The following GPC6 variants were observed in gnomAD, a reference collection of about 807,000 sequenced individuals.
GPC6 encodes the protein glypican 6.
In GPC6, 14 loss-of-function variants were observed where a neutral mutation model predicts 55.2. The observed-to-expected ratio is 0.25, with a 90% CI of 0.17 to 0.40. The LOEUF (loss-of-function observed/expected upper bound fraction) is 0.40, where lower values mean the gene tolerates loss of function less well. Ranked by LOEUF, GPC6 falls within the 10% of genes least tolerant of loss-of-function variation. GPC6 has a pLI of 1.00. For synonymous variants in GPC6, 278 were observed against 259.6 expected, an observed-to-expected ratio of 1.07 and a Z score of -0.68; for missense variants, 641 against 708.5, an observed-to-expected ratio of 0.90 and a Z score of 1.08.
intron 6 of GPC6, among the ~76,000 whole-genome samples, chr13:94,337,544 T>C (rs1877778227): frequency 6.6e-6 from 1 of 151,536 alleles, no homozygotes; most frequent in Admixed American, 6.6e-5. Flanking sequence ...ACCTCCTGGG[T>C]TCAAGCGATT....
chr13:93,647,824 CTCTG>C (rs1401570634), intron 2 of GPC6, among the ~76,000 whole-genome samples: 1 of 152,184 alleles, frequency 6.6e-6, no homozygotes, highest in African/African-American at 2.4e-5. Flanking sequence ...GCCTGGCTCT[CTCTG>C]TCTTTTTCTG....
chr13:94,196,560 A>C (rs145632731), intron 4 of GPC6, among the ~76,000 whole-genome samples: 1 of 152,308 alleles, frequency 6.6e-6, no homozygotes. Context: ...TGTGTCTTGC[A>C]TTACATCCAC....
At chr13:93,435,305 G>A (rs544420962) in intron 1 of GPC6, among the ~76,000 whole-genome samples, 37 of 151,712 alleles carry the variant, frequency 2.4e-4, no homozygotes, top group African/African-American at 7.3e-4. Flanking sequence ...ATTTAGTGAC[G>A]GATTTTTGCT....
intron 2 of GPC6, among the ~76,000 whole-genome samples, chr13:93,696,716 G>A (rs914848424): frequency 4.0e-5 from 6 of 150,744 alleles, no homozygotes; most frequent in South Asian, 2.1e-4. Flanking sequence ...CCGCCCCACC[G>A]GGTTCAAATG....
intron 3 of GPC6, among the ~76,000 whole-genome samples, chr13:93,843,710 A>T (rs1047352441): frequency 2.4e-4 from 36 of 152,180 alleles, no homozygotes; most frequent in African/African-American, 8.0e-4. Context: ...ATTGCATAGC[A>T]AAGATCAGCT....
chr13:94,143,508 T>C (rs1312743565), intron 4 of GPC6, among the ~76,000 whole-genome samples: 1 of 152,218 alleles, frequency 6.6e-6, no homozygotes, highest in Non-Finnish European at 1.5e-5. Flanking sequence ...TCTTCTCAGA[T>C]ACCTGATTAT....
intron 3 of GPC6, among the ~76,000 whole-genome samples, chr13:93,909,836 G>C (rs761315505): frequency 2.6e-5 from 4 of 151,914 alleles, no homozygotes; most frequent in African/African-American, 9.7e-5. Flanking sequence ...GATATTTTTC[G>C]ATTTATATAT....
At chr13:93,304,772 C>T (rs772937840) in intron 1 of GPC6, among the ~76,000 whole-genome samples, 1 of 152,060 alleles carries the variant, frequency 6.6e-6, no homozygotes, top group African/African-American at 2.4e-5. Flanking sequence ...TAGAGAATTA[C>T]TAAGAGGATC....
chr13:93,378,832 C>T lies in GPC6; in HGVS notation c.160+151216C>T, dbSNP rs146269842. ...CCAACATGGTGAAACCCTGTCTCTACAATAAATACAACAATTACCAGGTGT... is the reference window on the plus strand; with the variant it reads ...CCAACATGGTGAAACCCTGTCTCTATAATAAATACAACAATTACCAGGTGT... On this transcript the variant is annotated intron_variant, in intron 1 of 8. Coordinates refer to ENST00000377047, the MANE Select transcript of GPC6 (RefSeq NM_005708.5). Among the ~76,000 whole-genome samples the T allele has an allele frequency of 9.2e-5, 14 of 151,930 alleles. No homozygotes were observed. In the East Asian group the frequency reaches 2.7e-3, roughly 30 times the overall value.
rs1263361784 is a variant in GPC6 at position 93,543,836 on chromosome 13, C to T, written c.161-1427C>T. 2.0e-5 allele frequency among the ~76,000 whole-genome samples: 3 copies of T among 152,090 alleles called. No individual in the cohort carries two copies. The East Asian group carries it at 5.8e-4, about 29-fold the overall frequency. ...GATTTCCTTCTCTTCAGATAAATGT[C>T]CAGGAGTGGGTTGCTGGATGCTATT... is the stretch of plus-strand genomic sequence containing the variant. On this transcript the variant is annotated intron_variant, in intron 1 of 8. Coordinates refer to ENST00000377047, the MANE Select transcript of GPC6 (RefSeq NM_005708.5).
At chr13:94,291,898 A>G (rs764086737) in intron 5 of GPC6, among the ~76,000 whole-genome samples, 59 of 152,302 alleles carry the variant, frequency 3.9e-4, no homozygotes, top group South Asian at 6.2e-4. Context: ...AAGTTTAGAA[A>G]TTAAAATAAC....
chr13:94,244,442 A>C (rs1272530930), intron 4 of GPC6, among the ~76,000 whole-genome samples: 1 of 152,056 alleles, frequency 6.6e-6, no homozygotes, highest in Non-Finnish European at 1.5e-5. Flanking sequence ...TCCATCTCGA[A>C]CTAAATGTCT....
At chr13:93,229,644 T>C (rs1312670899) in intron 1 of GPC6, among the ~76,000 whole-genome samples, 1 of 152,298 alleles carries the variant, frequency 6.6e-6, no homozygotes, top group East Asian at 1.9e-4. Context: ...GTTTTTGTTT[T>C]TGGTTTCCTC....
intron 4 of GPC6, among the ~76,000 whole-genome samples, chr13:94,237,968 A>G (rs573599966): frequency 6.6e-6 from 1 of 152,282 alleles, no homozygotes; most frequent in Non-Finnish European, 1.5e-5. Flanking sequence ...GGAGGTAATC[A>G]TAGTGATGAA....
chr13:94,036,398 A>C (rs1203535889), intron 4 of GPC6, among the ~76,000 whole-genome samples: 3 of 152,088 alleles, frequency 2.0e-5, no homozygotes, highest in Non-Finnish European at 4.4e-5. Context: ...AGAAGTGAAA[A>C]TTAGAAAGAG....
intron 1 of GPC6, among the ~76,000 whole-genome samples, chr13:93,537,854 C>T (rs1481512950): frequency 6.6e-6 from 1 of 151,914 alleles, no homozygotes; most frequent in Non-Finnish European, 1.5e-5. Flanking sequence ...TTTTAATACC[C>T]ATATTAATGT....
At chr13:94,323,726 C>T (rs780444457) in intron 6 of GPC6, among the ~76,000 whole-genome samples, 39 of 152,056 alleles carry the variant, frequency 2.6e-4, no homozygotes, top group Non-Finnish European at 1.3e-4. Context: ...GCACTTGAAC[C>T]CTTTAAACTT....
intron 2 of GPC6, among the ~76,000 whole-genome samples, chr13:93,659,422 C>G (rs568381257): frequency 2.7e-4 from 41 of 151,872 alleles, no homozygotes; most frequent in Non-Finnish European, 5.9e-4. Flanking sequence ...GTTTTAGTAC[C>G]AAAAGTCATG....
intron 1 of GPC6, among the ~76,000 whole-genome samples, chr13:93,412,269 A>G (rs1876530674): frequency 6.6e-6 from 1 of 152,172 alleles, no homozygotes; most frequent in Non-Finnish European, 1.5e-5. Context: ...TGAAAGTTGT[A>G]TAGCCACCAC....
Sources: gnomAD v4.1 joint callset for allele counts (sites outside exome capture counted in the v4.1 genomes callset) on GRCh38, gnomAD v4.1.1 for gene constraint, MANE v1.5 for transcripts, NCBI Gene and HGNC (gene_info 2026-07-23, HGNC 2026-07-21) for gene names.